Variants in CAMK1D observed in about 807,000 individuals in gnomAD.
The protein encoded by CAMK1D is calcium/calmodulin-dependent protein kinase type 1D.
A neutral mutation model predicts 47.7 loss-of-function variants in CAMK1D; 9 were observed. The ratio of observed to expected loss-of-function variants is 0.19; its 90% CI spans 0.11 to 0.33. The LOEUF (loss-of-function observed/expected upper bound fraction) is 0.33. Among genes scored for constraint, CAMK1D ranks in the 10% least tolerant of loss-of-function variants. CAMK1D has a pLI of 1.00. For missense variants in CAMK1D, 291 were observed against 488.7 expected (o/e 0.60, Z 3.81); for synonymous variants, 184 against 184.9 (o/e 0.99, Z 0.04).
chr10:12,816,206 A>T (rs1363445140), intron 7 of CAMK1D, 44 bp from the exon 8 acceptor site: 63 of 1,544,242 alleles, frequency 4.1e-5, no homozygotes, highest in Non-Finnish European at 5.6e-5. Context: ...GTCACATCTC[A>T]AGTCGCAAAG....
intron 2 of CAMK1D, among the ~76,000 whole-genome samples, chr10:12,615,865 T>G (rs997909991): frequency 3.1e-5 from 1 of 32,588 alleles, no homozygotes; most frequent in African/African-American, 3.8e-5. Context: ...TGTGTATGCA[T>G]GTATGTGTAT....
Position 12,373,962 on chromosome 10 carries a change from A to AAG in CAMK1D, c.92+24053_92+24054insGA, listed in dbSNP as rs1838090203. ...AGACAGCGACACTCTTTATCAAAAAAAAAAAAAAAAAAAAAGTCCAGGTGC... is the reference window on the plus strand; with the variant it reads ...AGACAGCGACACTCTTTATCAAAAAAAGAAAAAAAAAAAAAAAGTCCAGGTGC... On this transcript the variant is annotated intron_variant, in intron 1 of 10. Coordinates refer to ENST00000619168, the MANE Select transcript of CAMK1D (RefSeq NM_153498.4). Among the ~76,000 whole-genome samples, 3 of 149,884 alleles carry AAG rather than the reference A, an allele frequency of 2.0e-5. 1 individual carries two copies. In the South Asian group the frequency reaches 6.3e-4, roughly 32 times the overall value.
chr10:12,631,345 C>T (rs1839372737), intron 2 of CAMK1D, among the ~76,000 whole-genome samples: 2 of 152,182 alleles, frequency 1.3e-5, no homozygotes. Flanking sequence ...CTGCAGCATG[C>T]CTGGACAGAA....
chr10:12,397,573 C>T (rs1313177374), intron 1 of CAMK1D, among the ~76,000 whole-genome samples: 1 of 152,162 alleles, frequency 6.6e-6, no homozygotes, highest in Admixed American at 6.5e-5. Flanking sequence ...GCTGTGCCGT[C>T]CTTGAGGGGA....
chr10:12,795,352 G>A (rs187220458), intron 6 of CAMK1D, among the ~76,000 whole-genome samples: 15 of 152,316 alleles, frequency 9.8e-5, no homozygotes, highest in African/African-American at 3.1e-4. Context: ...GAACTCGTTT[G>A]TCTCATTCTC....
chr10:12,827,331 T>TTTCTC (rs1167879993), intron 10 of CAMK1D, among the ~76,000 whole-genome samples: 2 of 59,784 alleles, frequency 3.3e-5, no homozygotes, highest in African/African-American at 9.5e-5. Context: ...TTTCTCTCTC[T>TTTCTC]TCTCTTCCTT....
intron 1 of CAMK1D, among the ~76,000 whole-genome samples, chr10:12,469,777 A>G (rs1232032950): frequency 6.6e-6 from 1 of 152,244 alleles, no homozygotes; most frequent in East Asian, 1.9e-4. Flanking sequence ...GACCCTTTCA[A>G]AGGATTTGGT....
intron 5 of CAMK1D, among the ~76,000 whole-genome samples, chr10:12,774,116 A>T (rs929532956): frequency 6.6e-6 from 1 of 152,012 alleles, no homozygotes; most frequent in African/African-American, 2.4e-5. Flanking sequence ...AAAACATAAA[A>T]ATCCCCTCCC....
chr10:12,554,668 C>G (rs1288739025), intron 2 of CAMK1D, among the ~76,000 whole-genome samples: 1 of 151,842 alleles, frequency 6.6e-6, no homozygotes, highest in Non-Finnish European at 1.5e-5. Flanking sequence ...TCCTGAGTAG[C>G]TAGGACTGTA....
intron 1 of CAMK1D, among the ~76,000 whole-genome samples, chr10:12,467,214 G>A (rs892169779): frequency 1.3e-4 from 20 of 151,648 alleles, no homozygotes; most frequent in African/African-American, 4.6e-4. Context: ...GTGCAGTGGC[G>A]CGATCTCAGT....
chr10:12,546,939 C>T (rs977881295), intron 1 of CAMK1D, among the ~76,000 whole-genome samples: 3 of 151,820 alleles, frequency 2.0e-5, no homozygotes, highest in Middle Eastern at 3.4e-3. Flanking sequence ...GCACATGTAC[C>T]GTAAAACTTA....
In CAMK1D at chr10:12,570,031, C is replaced by T. The variant is rs564495093; in HGVS notation, c.224+16675C>T. On this transcript the variant is annotated intron_variant, in intron 2 of 10. Coordinates refer to ENST00000619168, the MANE Select transcript of CAMK1D (RefSeq NM_153498.4). ...CCTGACCAATATGGTGAAACCGCATCTCAACTAAAAATACAAAAAGTAGCT... is the reference window on the plus strand; with the variant it reads ...CCTGACCAATATGGTGAAACCGCATTTCAACTAAAAATACAAAAAGTAGCT... Among the ~76,000 whole-genome samples the T allele has an allele frequency of 3.3e-5, 5 of 152,026 alleles. No homozygotes were observed. The South Asian group carries it at 1.0e-3, about 32-fold the overall frequency.
At chr10:12,746,253 A>G (rs988598240) in intron 3 of CAMK1D, among the ~76,000 whole-genome samples, 3 of 150,724 alleles carry the variant, frequency 2.0e-5, no homozygotes, top group Non-Finnish European at 4.4e-5. Context: ...AGTCCCAGCT[A>G]CTCGGGAGGC....
At chr10:12,528,336 T>C (rs758518551) in intron 1 of CAMK1D, among the ~76,000 whole-genome samples, 22 of 152,330 alleles carry the variant, frequency 1.4e-4, no homozygotes, top group Non-Finnish European at 2.9e-4. Context: ...ACAAATCACT[T>C]TCAGAATGAA....
chr10:12,762,377 G>A (rs1409275080), intron 4 of CAMK1D, among the ~76,000 whole-genome samples: 1 of 152,184 alleles, frequency 6.6e-6, no homozygotes, highest in Non-Finnish European at 1.5e-5. Flanking sequence ...TTCCACACCT[G>A]GCTATTACCT....
intron 1 of CAMK1D, among the ~76,000 whole-genome samples, chr10:12,362,136 C>T (rs1256186310): frequency 5.3e-5 from 8 of 152,172 alleles, no homozygotes; most frequent in Non-Finnish European, 2.9e-5. Context: ...GTGTGCAGTT[C>T]TGTGGTGTTA....
In CAMK1D at chr10:12,382,130, G is replaced by C. The variant is rs1254174230; in HGVS notation, c.92+32220G>C. ...ATTCAAGTATGTCATTTTGCTTAAA[G>C]TCAATTTCCAAGAACTGACTGGACA... On this transcript the variant is annotated intron_variant, in intron 1 of 10. Transcript: ENST00000619168. 1.3e-5 allele frequency among the ~76,000 whole-genome samples: 2 copies of C among 152,136 alleles called. 1 individual carries two copies. Among genetic ancestry groups the C allele is most frequent in the Middle Eastern group, 6.3e-3 (2 of 316 alleles).
intron 3 of CAMK1D, among the ~76,000 whole-genome samples, chr10:12,677,220 C>T (rs1446713259): frequency 2.0e-5 from 3 of 152,046 alleles, no homozygotes; most frequent in Non-Finnish European, 4.4e-5. Context: ...GTCTGTGTTC[C>T]CAGAAACAGT....
At chr10:12,424,518 C>T (rs114105176) in intron 1 of CAMK1D, among the ~76,000 whole-genome samples, 2,299 of 152,284 alleles carry the variant, frequency 0.015, 62 homozygotes, top group African/African-American at 0.052. Flanking sequence ...TCACTGCCTC[C>T]TCCGTGAATT....
Sources: allele counts gnomAD v4.1 joint callset (sites outside exome capture counted in the v4.1 genomes callset), GRCh38; gene constraint gnomAD v4.1.1; transcripts MANE v1.5; gene names NCBI Gene and HGNC (gene_info 2026-07-23, HGNC 2026-07-21).